The following CTNNA3 variants were observed in gnomAD, a reference collection of about 807,000 sequenced individuals.
The protein encoded by CTNNA3 is catenin alpha 3, also known as catenin alpha-3.
In CTNNA3, 76 loss-of-function variants were observed where a neutral mutation model predicts 95.7. The observed-to-expected ratio is 0.79, with a 90% CI of 0.66 to 0.96. CTNNA3 has a LOEUF of 0.96. Among genes scored for constraint, CTNNA3 ranks in the 40% least tolerant of loss-of-function variants. The pLI is 0.00. For missense variants in CTNNA3, 1,191 were observed against 1,089.8 expected, an observed-to-expected ratio of 1.09 and a Z score of -1.31; for synonymous variants, 431 against 374.4, an observed-to-expected ratio of 1.15 and a Z score of -1.74.
intron 5 of CTNNA3, among the ~76,000 whole-genome samples, chr10:67,413,908 C>G (rs1412985994): frequency 2.0e-5 from 3 of 151,814 alleles, no homozygotes; most frequent in African/African-American, 7.3e-5. Flanking sequence ...CACAACTTAC[C>G]AAAATCTCTG....
chr10:66,222,250 T>G (rs1179552826), intron 13 of CTNNA3, among the ~76,000 whole-genome samples: 1 of 152,144 alleles, frequency 6.6e-6, no homozygotes, highest in Admixed American at 6.5e-5. Context: ...TATTTTGCAG[T>G]AATCTTATGG....
chr10:66,007,764 C>CTCTCCCACCCTTCCTTTTCCT (rs2078923555), intron 15 of CTNNA3, among the ~76,000 whole-genome samples: 1 of 32,588 alleles, frequency 3.1e-5, no homozygotes, highest in African/African-American at 1.3e-4. Context: ...CTCCCTCCCT[C>CTCTCCCACCCTTCCTTTTCCT]CCTCTCTTCC....
rs917485681 is a variant in CTNNA3 at position 66,083,395 on chromosome 10, C to T, written c.1978-13906G>A. Among the ~76,000 whole-genome samples the T allele has an allele frequency of 7.2e-5, 11 of 152,274 alleles. No homozygotes were observed. The South Asian group carries it at 2.1e-3, about 29-fold the overall frequency. Reference sequence around the variant, plus strand: ...CCTATGCTAGTCTTCTCCAGATTCACCTCCCACTTGAGTATTTCTTCCTAA... The same window carrying T: ...CCTATGCTAGTCTTCTCCAGATTCATCTCCCACTTGAGTATTTCTTCCTAA... On this transcript the variant is annotated intron_variant, in intron 14 of 17. Coordinates refer to ENST00000433211, the MANE Select transcript of CTNNA3 (RefSeq NM_013266.4).
chr10:66,388,991 T>C (rs952070182), intron 11 of CTNNA3, among the ~76,000 whole-genome samples: 5 of 152,198 alleles, frequency 3.3e-5, no homozygotes, highest in African/African-American at 1.2e-4. Flanking sequence ...TGATTATTTC[T>C]CTGCTATTTA....
chr10:66,442,032 G>C (rs188484273), intron 11 of CTNNA3, among the ~76,000 whole-genome samples: 1 of 152,264 alleles, frequency 6.6e-6, no homozygotes, highest in East Asian at 1.9e-4. Context: ...TACATTGTTT[G>C]AAAACCTATA....
At chr10:66,690,721 G>A (rs7910411) in intron 9 of CTNNA3, among the ~76,000 whole-genome samples, 136,062 of 151,528 alleles carry the variant, frequency 0.9, 61,296 homozygotes, top group East Asian at 1. Context: ...CCAGTCTATC[G>A]TTGTTGGACA....
chr10:67,242,125 G>A (rs1865737639), intron 5 of CTNNA3, among the ~76,000 whole-genome samples: 1 of 152,166 alleles, frequency 6.6e-6, no homozygotes, highest in East Asian at 1.9e-4. Context: ...AAGAACTGTT[G>A]TAACTAATAC....
intron 9 of CTNNA3, among the ~76,000 whole-genome samples, chr10:66,695,300 C>G (rs1847715402): frequency 6.6e-6 from 1 of 152,122 alleles, no homozygotes; most frequent in Admixed American, 6.6e-5. Flanking sequence ...GGCTGGGAAT[C>G]TTTGGAGTCA....
At chr10:66,647,016 G>A (rs74912989) in intron 9 of CTNNA3, among the ~76,000 whole-genome samples, 7 of 148,030 alleles carry the variant, frequency 4.7e-5, no homozygotes, top group African/African-American at 7.4e-5. Flanking sequence ...AAGCAAAAAA[G>A]AAAAAAAAAA....
intron 5 of CTNNA3, among the ~76,000 whole-genome samples, chr10:67,276,820 A>G (rs1839195773): frequency 6.6e-6 from 1 of 151,920 alleles, no homozygotes; most frequent in Admixed American, 6.6e-5. Flanking sequence ...ACTTTTGATA[A>G]TGTTACAAAT....
At chr10:66,764,916 C>T (rs36028815) in intron 9 of CTNNA3, among the ~76,000 whole-genome samples, 2 of 152,102 alleles carry the variant, frequency 1.3e-5, no homozygotes, top group Admixed American at 1.3e-4. Context: ...TTTGAGTCAA[C>T]CTCTCATTTA....
At chr10:66,180,968 A>G (rs939470016) in intron 13 of CTNNA3, among the ~76,000 whole-genome samples, 3 of 152,122 alleles carry the variant, frequency 2.0e-5, no homozygotes, top group African/African-American at 4.8e-5. Flanking sequence ...ATTAAAGACC[A>G]TATGAAAATA....
At chr10:66,992,404 C>T (rs536868970) in intron 7 of CTNNA3, among the ~76,000 whole-genome samples, 16 of 152,138 alleles carry the variant, frequency 1.1e-4, no homozygotes, top group Non-Finnish European at 1.8e-4. Flanking sequence ...TCTTCCTCCT[C>T]CTCCTCCTCC....
At chr10:66,229,433 T>C (rs1261204076) in intron 13 of CTNNA3, among the ~76,000 whole-genome samples, 1 of 152,198 alleles carries the variant, frequency 6.6e-6, no homozygotes, top group Non-Finnish European at 1.5e-5. Flanking sequence ...TTCTTAGTTT[T>C]TGCTTGTCTA....
At chr10:65,947,966 G>A (rs1197025812) in intron 17 of CTNNA3, among the ~76,000 whole-genome samples, 1 of 152,224 alleles carries the variant, frequency 6.6e-6, no homozygotes, top group East Asian at 1.9e-4. Context: ...AGTCAATTTT[G>A]TAGTCAGTGA....
intron 6 of CTNNA3, among the ~76,000 whole-genome samples, chr10:67,187,710 G>T (rs1040848958): frequency 6.6e-6 from 1 of 151,808 alleles, no homozygotes; most frequent in African/African-American, 2.4e-5. Context: ...CTCAGCCTCC[G>T]CAGTAACTGG....
intron 13 of CTNNA3, among the ~76,000 whole-genome samples, chr10:66,252,020 T>C (rs1297503109): frequency 1.3e-5 from 2 of 152,204 alleles, no homozygotes; most frequent in African/African-American, 2.4e-5. Context: ...CTATGAAATA[T>C]GAAAACCATC....
At chr10:66,801,030 T>C (rs1841408820) in intron 7 of CTNNA3, among the ~76,000 whole-genome samples, 1 of 151,312 alleles carries the variant, frequency 6.6e-6, no homozygotes, top group Non-Finnish European at 1.5e-5. Context: ...TATCCAAAAT[T>C]TAAAGAAGTC....
At chr10:67,420,016 T>G (rs570350978) in intron 5 of CTNNA3, among the ~76,000 whole-genome samples, 49 of 152,318 alleles carry the variant, frequency 3.2e-4, no homozygotes, top group African/African-American at 1.2e-3. Flanking sequence ...CATGCCCAGC[T>G]AATTTTTGTA....
Sources: allele counts gnomAD v4.1 joint callset (sites outside exome capture counted in the v4.1 genomes callset), GRCh38; gene constraint gnomAD v4.1.1; transcripts MANE v1.5; gene names NCBI Gene and HGNC (gene_info 2026-07-23, HGNC 2026-07-21).